VCAN: variants seen among roughly 807,000 people sequenced by gnomAD.
The protein encoded by VCAN is versican, also known as versican core protein.
Under a neutral mutation model 245.5 loss-of-function variants are expected in VCAN, and 44 were observed. That is an observed-to-expected ratio of 0.18 (90% CI 0.14 to 0.23). VCAN has a LOEUF of 0.23. Ranked by LOEUF, VCAN falls within the 10% of genes least tolerant of loss-of-function variation. The probability of loss-of-function intolerance (pLI) is 1.00; values close to 1 mark genes in which losing one functional copy is unlikely to be tolerated. For missense variants in VCAN, 3,793 were observed against 4,057.9 expected (o/e 0.93, Z 1.77); for synonymous variants, 1,413 against 1,437.0 (o/e 0.98, Z 0.38).
chr5:83,580,548 G>C lies in VCAN; in HGVS notation c.*114G>C, dbSNP rs868827951. ...AGTTGGTTTGGATTTTTGGACCACC[G>C]TTCAGTCATTTTGGGTTGCCGTGCT... On this transcript the variant is annotated 3_prime_UTR_variant, in exon 15 of 15. Transcript: ENST00000265077. 5.4e-5 allele frequency: 82 copies of C among 1,513,322 alleles called. No homozygotes were observed. The highest frequency in any genetic ancestry group is 6.7e-5 in the Non-Finnish European group (74 of 1,111,488). 93.7% of individuals were successfully genotyped at this position (1,513,322 alleles called of 1,614,324 possible).
intron 12 of VCAN, among the ~76,000 whole-genome samples, chr5:83,559,223 A>C (rs1747774470): frequency 6.6e-6 from 1 of 152,188 alleles, no homozygotes; most frequent in Admixed American, 6.5e-5. Flanking sequence ...ATATACTGTT[A>C]GCTGACTTTA....
chr5:83,541,946 T>C lies in VCAN; in HGVS notation c.8943T>C (p.Ser2981=). 6.2e-7 allele frequency: 1 copy of C among 1,614,096 alleles called. No individual in the cohort carries two copies. The highest frequency in any genetic ancestry group is 8.5e-7 in the Non-Finnish European group (1 of 1,179,990). Reference sequence around the variant, plus strand: ...AGTGGCCACACTCTACTTCTGCTTCTGCCACCTATGGGGTCGAGGCAGGTG... The same window carrying C: ...AGTGGCCACACTCTACTTCTGCTTCCGCCACCTATGGGGTCGAGGCAGGTG... ...ATQWPHSTSA[S]ATYGVEAGVV... is the part of the protein sequence containing the mutation. Residue 2981 remains serine, a synonymous_variant, in exon 8 of 15, where the codon TCT becomes TCC. Transcript: ENST00000265077.
At chr5:83,536,861 C>T (rs564083716) in intron 7 of VCAN, 146 bp from the exon 8 acceptor site, 1 of 618,378 alleles carries the variant, frequency 1.6e-6, no homozygotes, top group African/African-American at 1.9e-5. Flanking sequence ...AGACTGAGAA[C>T]CATATAAGAG....
At chr5:83,505,521 T>C (rs1745456405) in intron 5 of VCAN, among the ~76,000 whole-genome samples, 1 of 152,188 alleles carries the variant, frequency 6.6e-6, no homozygotes, top group African/African-American at 2.4e-5. Context: ...TAGGTTCTTA[T>C]GGTCTCGGGC....
chr5:83,563,953 G>A (rs1339538637), intron 12 of VCAN, among the ~76,000 whole-genome samples: 1 of 152,110 alleles, frequency 6.6e-6, no homozygotes, highest in African/African-American at 2.4e-5. Flanking sequence ...TTTCACCATT[G>A]ATGTAAATCA....
intron 13 of VCAN, among the ~76,000 whole-genome samples, chr5:83,578,268 G>C (rs184911188): frequency 6.6e-4 from 101 of 152,138 alleles, no homozygotes; most frequent in African/African-American, 2.3e-3. Flanking sequence ...ACTTATAAGT[G>C]AGAGCTAAAC....
At chr5:83,545,827 A>G (rs558033364) in intron 9 of VCAN, among the ~76,000 whole-genome samples, 177 bp downstream of exon 9, 20 of 152,346 alleles carry the variant, frequency 1.3e-4, no homozygotes, top group Admixed American at 1.2e-3. Context: ...GGGTACAGAT[A>G]TTCAGTGAAT....
intron 5 of VCAN, among the ~76,000 whole-genome samples, chr5:83,496,099 A>T (rs1453860476): frequency 5.9e-5 from 9 of 152,168 alleles, no homozygotes; most frequent in African/African-American, 2.2e-4. Context: ...TAGTGGTGGG[A>T]GTCCTTCCAG....
At position 83,543,527 on chromosome 5, in the gene VCAN, T is replaced by C. The variant is rs62364884; in HGVS notation, c.9265+1259T>C. On this transcript the variant is annotated intron_variant, in intron 8 of 14. Transcript: ENST00000265077. ...AATAGAAAGTACAATTTTTAATAAATGGCTTGAAATATTTTGAGGAAAATT... is the reference window on the plus strand; with the variant it reads ...AATAGAAAGTACAATTTTTAATAAACGGCTTGAAATATTTTGAGGAAAATT... Among the ~76,000 whole-genome samples, 315 of 152,342 alleles carry C rather than the reference T, an allele frequency of 2.1e-3. 1 individual carries two copies. Among genetic ancestry groups the C allele is most frequent in the Admixed American group, 3.5e-3 (53 of 15,296 alleles).
intron 7 of VCAN, among the ~76,000 whole-genome samples, chr5:83,534,509 C>A (rs1746634860): frequency 6.6e-6 from 1 of 151,918 alleles, no homozygotes; most frequent in Non-Finnish European, 1.5e-5. Flanking sequence ...TTTGGTGTCA[C>A]CAAACAGGGT....
Position 83,545,481 on chromosome 5 carries a change from C to T in VCAN, c.9266-56C>T, listed in dbSNP as rs952022343. 5.5e-6 allele frequency: 8 copies of T among 1,446,612 alleles called. No individual in the cohort carries two copies. In the African/African-American group the frequency reaches 9.8e-5, roughly 18 times the overall value. 89.6% of individuals were successfully genotyped at this position (1,446,612 alleles called of 1,614,324 possible). A position where few individuals can be genotyped will look rare whatever the true frequency, so the allele number is the denominator to read the frequency against. ...ATATGGGGCGTTTTATGCTAAAATA[C>T]ACGCAAACATTAGAGACGAGCCTAA... is the stretch of plus-strand genomic sequence containing the variant. On this transcript the variant is annotated intron_variant, in intron 8 of 14. Coordinates refer to ENST00000265077, the MANE Select transcript of VCAN (RefSeq NM_004385.5).
intron 5 of VCAN, among the ~76,000 whole-genome samples, chr5:83,505,433 G>A (rs1745453764): frequency 6.6e-6 from 1 of 152,122 alleles, no homozygotes; most frequent in Non-Finnish European, 1.5e-5. Flanking sequence ...AAATCCAGTG[G>A]AGCAGCCACA....
At chr5:83,559,694 G>A (rs1161458368) in intron 12 of VCAN, among the ~76,000 whole-genome samples, 1 of 151,994 alleles carries the variant, frequency 6.6e-6, no homozygotes, top group Non-Finnish European at 1.5e-5. Flanking sequence ...CCTAACTCAG[G>A]CTCCTGTGAA....
intron 12 of VCAN, among the ~76,000 whole-genome samples, chr5:83,572,145 A>G (rs1250372199): frequency 6.6e-6 from 1 of 152,182 alleles, no homozygotes; most frequent in African/African-American, 2.4e-5. Context: ...AAGGTTGATG[A>G]TATATTTAGA....
intron 3 of VCAN, among the ~76,000 whole-genome samples, chr5:83,491,557 A>G (rs959004090): frequency 2.0e-5 from 3 of 151,996 alleles, no homozygotes; most frequent in Non-Finnish European, 4.4e-5. Flanking sequence ...TAGCCTCACT[A>G]CTGTGATTTC....
intron 12 of VCAN, among the ~76,000 whole-genome samples, chr5:83,559,867 A>C (rs967363968): frequency 2.0e-5 from 3 of 152,138 alleles, no homozygotes; most frequent in Non-Finnish European, 2.9e-5. Context: ...CTATCTTTTG[A>C]ATCCTGAAAT....
At chr5:83,553,285 TCCTA>T in intron 10 of VCAN, 75 bp from the exon 11 acceptor site, 2 of 1,579,214 alleles carry the variant, frequency 1.3e-6, no homozygotes, top group Non-Finnish European at 8.7e-7. Flanking sequence ...GGCTTGGGTA[TCCTA>T]CTAACACTTG....
chr5:83,514,412 A>C (rs1455139945), intron 6 of VCAN, among the ~76,000 whole-genome samples: 3 of 151,182 alleles, frequency 2.0e-5, no homozygotes, highest in Non-Finnish European at 2.9e-5. Context: ...ATTTTTCAAA[A>C]AATTTTTTAG....
At chr5:83,569,546 A>G (rs1013303421) in intron 12 of VCAN, among the ~76,000 whole-genome samples, 2 of 152,182 alleles carry the variant, frequency 1.3e-5, no homozygotes, top group Non-Finnish European at 2.9e-5. Flanking sequence ...GCAATTAATG[A>G]GTAAATTATG....
Sources: gnomAD v4.1 joint callset for allele counts (sites outside exome capture counted in the v4.1 genomes callset) on GRCh38, gnomAD v4.1.1 for gene constraint, MANE v1.5 for transcripts, NCBI Gene and HGNC (gene_info 2026-07-23, HGNC 2026-07-21) for gene names.